NT5C3A: variants seen among roughly 807,000 people sequenced by gnomAD.
NT5C3A encodes the protein cytosolic 5'-nucleotidase 3A.
A neutral mutation model predicts 40.0 loss-of-function variants in NT5C3A; 23 were observed. That is an observed-to-expected ratio of 0.58 (90% confidence interval 0.41 to 0.81). The LOEUF is 0.81. Among genes scored for constraint, NT5C3A ranks in the 40% least tolerant of loss-of-function variants. NT5C3A has a pLI of 0.00. For synonymous variants in NT5C3A, 130 were observed against 141.4 expected, an observed-to-expected ratio of 0.92 and a Z score of 0.57; for missense variants, 328 against 403.0, an observed-to-expected ratio of 0.81 and a Z score of 1.59.
intron 1 of NT5C3A, among the ~76,000 whole-genome samples, chr7:33,056,688 A>C (rs1787586471): frequency 6.6e-6 from 1 of 151,848 alleles, no homozygotes; most frequent in Admixed American, 6.6e-5. Flanking sequence ...AAATAAAATA[A>C]AGTCTATTTG....
rs145714462 is a variant in NT5C3A at position 33,037,993 on chromosome 7, CA to C, written c.139-11079del. On this transcript the variant is annotated intron_variant, in intron 1 of 8. Coordinates refer to ENST00000610140, the MANE Select transcript of NT5C3A (RefSeq NM_001002010.5). ...CTGTCACAGTCATCCAGATTTTTAA[CA>C]AACAAGATATTATAGAAGCTGCATG... 0.012 allele frequency among the ~76,000 whole-genome samples: 1,890 copies of C among 152,086 alleles called. 60 individuals are homozygous for C. In the East Asian group the frequency reaches 0.14, roughly 11 times the overall value.
chr7:33,016,351 G>T (rs1785325430), intron 7 of NT5C3A, among the ~76,000 whole-genome samples: 1 of 146,370 alleles, frequency 6.8e-6, no homozygotes, highest in Non-Finnish European at 1.5e-5. Context: ...TCCAGCCTGG[G>T]TGACAGAGTG....
chr7:33,033,993 C>T (rs1786440139), intron 1 of NT5C3A, among the ~76,000 whole-genome samples: 1 of 150,970 alleles, frequency 6.6e-6, no homozygotes, highest in Non-Finnish European at 1.5e-5. Flanking sequence ...TGGGTTCATG[C>T]CATTCTCCTG....
At chr7:33,044,513 T>G (rs757152225) in intron 1 of NT5C3A, among the ~76,000 whole-genome samples, 2 of 152,160 alleles carry the variant, frequency 1.3e-5, no homozygotes, top group African/African-American at 2.4e-5. Flanking sequence ...CCTTGGAGTT[T>G]TATTTACTCA....
chr7:33,058,912 T>C (rs78948411), intron 1 of NT5C3A, among the ~76,000 whole-genome samples: 5,955 of 152,304 alleles, frequency 0.039, 162 homozygotes, highest in East Asian at 0.14. Context: ...ATCATTGTTT[T>C]ACCAACGGCG....
intron 1 of NT5C3A, among the ~76,000 whole-genome samples, chr7:33,048,507 C>T (rs1213419314): frequency 6.6e-6 from 1 of 152,142 alleles, no homozygotes; most frequent in Non-Finnish European, 1.5e-5. Flanking sequence ...TAGTGAATCA[C>T]ATGATCGATC....
intron 1 of NT5C3A, chr7:33,045,883 T>C (rs1787125629): frequency 6.6e-6 from 1 of 152,248 alleles, no homozygotes; most frequent in Non-Finnish European, 1.5e-5. Context: ...CTTAGGAGTA[T>C]GGACCTGCTC....
intron 1 of NT5C3A, among the ~76,000 whole-genome samples, chr7:33,060,958 T>C (rs1452262987): frequency 6.6e-6 from 1 of 152,226 alleles, no homozygotes; most frequent in African/African-American, 2.4e-5. Flanking sequence ...TACATGTAAA[T>C]ATTGACTGAT....
Position 33,026,861 on chromosome 7 carries a change from C to A in NT5C3A, c.193G>T (p.Glu65Ter). ...CCTTTGATAAGACCACAGATAATTTCTTCTACTCTTGTAGGGTTCTTGATT... is the reference window on the plus strand; with the variant it reads ...CCTTTGATAAGACCACAGATAATTTATTCTACTCTTGTAGGGTTCTTGATT... The part of the protein sequence containing the change: ...VRIKNPTRVE[E>*]IICGLIKGGA... Residue 65 changes from glutamate to a stop codon, truncating the protein, a stop_gained, in exon 2 of 9, where the codon GAA (glutamate) becomes TAA (stop). Transcript: ENST00000610140. LOFTEE classifies it high-confidence loss of function. 1 of 1,612,774 alleles carries A rather than the reference C, an allele frequency of 6.2e-7. No homozygotes were observed.
At chr7:33,028,098 C>A (rs1293354544) in intron 1 of NT5C3A, among the ~76,000 whole-genome samples, 1 of 152,168 alleles carries the variant, frequency 6.6e-6, no homozygotes, top group Non-Finnish European at 1.5e-5. Context: ...AAATAATATA[C>A]TGTTCTTGGC....
intron 1 of NT5C3A, among the ~76,000 whole-genome samples, chr7:33,035,627 C>A (rs959433026): frequency 6.6e-6 from 1 of 152,112 alleles, no homozygotes; most frequent in African/African-American, 2.4e-5. Context: ...TGGAAACCTA[C>A]AATAATGTAT....
At chr7:33,045,071 G>A (rs913599889) in intron 1 of NT5C3A, among the ~76,000 whole-genome samples, 5 of 152,178 alleles carry the variant, frequency 3.3e-5, no homozygotes, top group East Asian at 1.9e-4. Flanking sequence ...AACAAGGAAT[G>A]TATTTTTAAA....
chr7:33,048,679 C>T (rs1787249862), intron 1 of NT5C3A, among the ~76,000 whole-genome samples: 2 of 152,286 alleles, frequency 1.3e-5, no homozygotes, highest in East Asian at 3.9e-4. Flanking sequence ...CCAAGACCCC[C>T]GGGTCACTTT....
At chr7:33,041,018 T>A in intron 1 of NT5C3A, 1 of 985,442 alleles carries the variant, frequency 1.0e-6, no homozygotes, top group Non-Finnish European at 1.2e-6. Flanking sequence ...TGCTGCACAG[T>A]ACTTTATATA....
chr7:33,048,837 T>C (rs1428422246), intron 1 of NT5C3A, among the ~76,000 whole-genome samples: 1 of 152,194 alleles, frequency 6.6e-6, no homozygotes, highest in African/African-American at 2.4e-5. Flanking sequence ...TTAAGAAAGA[T>C]GTATGACATC....
intron 1 of NT5C3A, among the ~76,000 whole-genome samples, chr7:33,051,257 G>T (rs1398721083): frequency 6.6e-6 from 1 of 151,848 alleles, no homozygotes; most frequent in Non-Finnish European, 1.5e-5. Context: ...TCTGCTTCTG[G>T]GGTTCAAGTG....
intron 1 of NT5C3A, chr7:33,041,029 T>C (rs1239340567): frequency 1.0e-6 from 1 of 985,448 alleles, no homozygotes; most frequent in East Asian, 1.1e-4. Flanking sequence ...ACTTTATATA[T>C]GCTCTTGGTT....
intron 1 of NT5C3A, among the ~76,000 whole-genome samples, chr7:33,053,958 C>A (rs756796940): frequency 6.6e-6 from 1 of 152,084 alleles, no homozygotes; most frequent in African/African-American, 2.4e-5. Flanking sequence ...GGAAACCTGA[C>A]AAACATGATT....
chr7:33,057,265 T>C (rs1439722553), intron 1 of NT5C3A, among the ~76,000 whole-genome samples: 1 of 152,132 alleles, frequency 6.6e-6, no homozygotes, highest in Non-Finnish European at 1.5e-5. Flanking sequence ...TACACACCTG[T>C]AATCCCAGCA....
Sources: allele counts gnomAD v4.1 joint callset (sites outside exome capture counted in the v4.1 genomes callset), GRCh38; gene constraint gnomAD v4.1.1; transcripts MANE v1.5; gene names NCBI Gene and HGNC (gene_info 2026-07-23, HGNC 2026-07-21).